SVEP1: variants seen among roughly 807,000 people sequenced by gnomAD.
SVEP1 encodes the protein sushi, von Willebrand factor type A, EGF and pentraxin domain-containing protein 1.
SVEP1 carries 164 observed loss-of-function variants against 367.3 expected under a neutral mutation model. The ratio of observed to expected loss-of-function variants is 0.45; its 90% CI spans 0.39 to 0.51. The LOEUF (loss-of-function observed/expected upper bound fraction) is 0.51. Ranked by LOEUF, SVEP1 falls within the 20% of genes least tolerant of loss-of-function variation. The probability of loss-of-function intolerance (pLI) is 0.00; values close to 1 mark genes in which losing one functional copy is unlikely to be tolerated. For synonymous variants in SVEP1, 1,666 were observed against 1,611.6 expected (o/e 1.03, Z -0.81); for missense variants, 4,117 against 4,425.3 (o/e 0.93, Z 1.98).
At chr9:110,561,164 C>T (rs945075961) in intron 1 of SVEP1, among the ~76,000 whole-genome samples, 3 of 152,132 alleles carry the variant, frequency 2.0e-5, no homozygotes, top group Admixed American at 6.6e-5. Context: ...TGAAATACAC[C>T]ATGCGTTCTT....
intron 3 of SVEP1, among the ~76,000 whole-genome samples, chr9:110,535,750 A>C (rs1830071243): frequency 6.6e-6 from 1 of 151,702 alleles, no homozygotes; most frequent in Non-Finnish European, 1.5e-5. Context: ...ATTCCTAGGT[A>C]TTTTATTCTT....
chr9:110,509,554 A>AC (rs1829677700), intron 5 of SVEP1, among the ~76,000 whole-genome samples: 1 of 152,206 alleles, frequency 6.6e-6, no homozygotes, highest in Admixed American at 6.5e-5. Context: ...TCTATCACCC[A>AC]CGCTGGAGTA....
intron 18 of SVEP1, among the ~76,000 whole-genome samples, chr9:110,463,550 G>A (rs4978929): frequency 0.69 from 103,197 of 148,640 alleles, 35,870 homozygotes; most frequent in East Asian, 0.96. Flanking sequence ...AATAAAAATA[G>A]TAAATCAATA....
chr9:110,366,935 A>G (rs1476713500), intron 47 of SVEP1, among the ~76,000 whole-genome samples: 1 of 152,218 alleles, frequency 6.6e-6, no homozygotes, highest in Non-Finnish European at 1.5e-5. Flanking sequence ...AGTTTTCTGA[A>G]GATGTGCACA....
intron 2 of SVEP1, 71 bp downstream of exon 2, chr9:110,549,778 G>T: frequency 6.4e-7 from 1 of 1,565,042 alleles, no homozygotes; most frequent in South Asian, 1.2e-5. Context: ...CCCTCCCATG[G>T]GTTTCAAGCA....
At chr9:110,574,019 G>A (rs998345204) in intron 1 of SVEP1, among the ~76,000 whole-genome samples, 9 of 152,176 alleles carry the variant, frequency 5.9e-5, no homozygotes, top group African/African-American at 2.2e-4. Flanking sequence ...ATAATGGTGA[G>A]TACCCACTCA....
chr9:110,451,655 G>T (rs1205613908), intron 22 of SVEP1, among the ~76,000 whole-genome samples: 1 of 152,040 alleles, frequency 6.6e-6, no homozygotes, highest in Non-Finnish European at 1.5e-5. Flanking sequence ...TTTTTTTAGT[G>T]AAAAAGATGT....
At chr9:110,372,726 T>C (rs1236565292) in intron 46 of SVEP1, among the ~76,000 whole-genome samples, 1 of 151,426 alleles carries the variant, frequency 6.6e-6, no homozygotes, top group African/African-American at 2.4e-5. Flanking sequence ...GTAAGGAGAT[T>C]GGGGAGGAGA....
Position 110,579,025 on chromosome 9 carries a change from G to T in SVEP1, c.519C>A (p.Phe173Leu). ...GCGGGCGCCTTACCGCGGCTTGCTGGAAGGCGCCCTTGGTGTAGGTGCCGC... is the reference window on the plus strand; with the variant it reads ...GCGGGCGCCTTACCGCGGCTTGCTGTAAGGCGCCCTTGGTGTAGGTGCCGC... ...RGGGTYTKGAFQQAAQILLHA... is the reference protein window; with the variant it reads ...RGGGTYTKGALQQAAQILLHA... The change falls in exon 1 of 48, where the codon TTC (phenylalanine) becomes TTA (leucine). Residue 173 changes from phenylalanine (F) to leucine (L), a missense_variant. By Grantham distance (22) the Phe-to-Leu change is conservative. This residue lies in a region of SVEP1 where 2,174 missense variants were observed against 2,494.3 expected (regional missense o/e 0.87). Transcript: ENST00000374469. The surrounding 1 kb of genome is among the most constrained non-coding windows in gnomAD (Gnocchi z 5.3). 2.6e-6 allele frequency: 4 copies of T among 1,547,728 alleles called. No homozygotes were observed. Among genetic ancestry groups the T allele is most frequent in the Non-Finnish European group, 3.5e-6 (4 of 1,146,660 alleles).
chr9:110,440,576 T>C (rs1828497610), intron 27 of SVEP1, among the ~76,000 whole-genome samples: 1 of 152,166 alleles, frequency 6.6e-6, no homozygotes. Context: ...AATGCAGCAA[T>C]GGAGGCATGC....
chr9:110,529,908 G>T (rs556451724), intron 3 of SVEP1, among the ~76,000 whole-genome samples: 1 of 152,114 alleles, frequency 6.6e-6, no homozygotes, highest in Non-Finnish European at 1.5e-5. Context: ...TGAATAAAGT[G>T]TTGAAAGTGA....
chr9:110,423,155 T>TA (rs1181321402), intron 36 of SVEP1, among the ~76,000 whole-genome samples: 1 of 56,518 alleles, frequency 1.8e-5, no homozygotes, highest in African/African-American at 6.7e-5. Context: ...AATAAAAAAA[T>TA]AAAAAAATAA....
chr9:110,458,849 C>A (rs537206297), intron 19 of SVEP1, 103 bp downstream of exon 19: 990 of 1,421,732 alleles, frequency 7.0e-4, no homozygotes, highest in Non-Finnish European at 8.6e-4. Context: ...TCCAGATGCC[C>A]AAATCCACCG....
intron 3 of SVEP1, among the ~76,000 whole-genome samples, chr9:110,536,376 G>A (rs1830079737): frequency 6.6e-6 from 1 of 151,954 alleles, no homozygotes; most frequent in African/African-American, 2.4e-5. Flanking sequence ...ATTCAAAACT[G>A]TTTCCTCTTC....
chr9:110,482,359 A>G lies in SVEP1; in HGVS notation c.2170+2T>C. 6.2e-7 allele frequency: 1 copy of G among 1,610,914 alleles called. No individual in the cohort carries two copies. Among genetic ancestry groups the G allele is most frequent in the Non-Finnish European group, 8.5e-7 (1 of 1,178,654 alleles). On this transcript the variant is annotated splice_donor_variant, in intron 11 of 47. Coordinates refer to ENST00000374469, the MANE Select transcript of SVEP1 (RefSeq NM_153366.4). LOFTEE classifies it high-confidence loss of function. The stretch of plus-strand genomic sequence containing the variant: ...AATTCTGGGGACTTATGAAGACAAT[A>G]CCTTTTATGACAATATGGATATCAC...
intron 37 of SVEP1, among the ~76,000 whole-genome samples, 200 bp downstream of exon 37, chr9:110,410,863 G>C (rs1001528560): frequency 2.6e-5 from 4 of 152,084 alleles, no homozygotes; most frequent in Non-Finnish European, 4.4e-5. Flanking sequence ...TTAGGCAGAT[G>C]AATTAATTCA....
intron 27 of SVEP1, among the ~76,000 whole-genome samples, chr9:110,440,668 A>G (rs1828498833): frequency 6.6e-6 from 1 of 152,208 alleles, no homozygotes; most frequent in South Asian, 2.1e-4. Flanking sequence ...GATCTTGAGG[A>G]TTAAGAGTTA....
intron 40 of SVEP1, among the ~76,000 whole-genome samples, chr9:110,393,602 T>C (rs1376633010): frequency 2.0e-5 from 3 of 152,182 alleles, no homozygotes; most frequent in Non-Finnish European, 4.4e-5. Flanking sequence ...GAATTCCCTT[T>C]CCTAGTCAAA....
rs1274444217 is a variant in SVEP1, at chr9:110,387,478, C to A, written c.9887-20G>T. On this transcript the variant is annotated intron_variant, in intron 41 of 47. Coordinates refer to ENST00000374469, the MANE Select transcript of SVEP1 (RefSeq NM_153366.4). Reference sequence around the variant, plus strand: ...TGGTCTCTAAAAACAAGAATAAAAGCCTCATATTAATTGCTTCCCCAATTC... The same window carrying A: ...TGGTCTCTAAAAACAAGAATAAAAGACTCATATTAATTGCTTCCCCAATTC... 6.4e-7 allele frequency: 1 copy of A among 1,574,494 alleles called. No homozygotes were observed. The highest frequency in any genetic ancestry group is 8.6e-7 in the Non-Finnish European group (1 of 1,166,874).
Sources: allele counts gnomAD v4.1 joint callset (sites outside exome capture counted in the v4.1 genomes callset), GRCh38; gene constraint gnomAD v4.1.1; regional missense constraint gnomAD v4.1.1; non-coding constraint Gnocchi (gnomAD v3.1); transcripts MANE v1.5; gene names NCBI Gene and HGNC (gene_info 2026-07-23, HGNC 2026-07-21).